Variants in NTM observed in about 807,000 individuals in gnomAD.
The protein encoded by NTM is neurotrimin.
A neutral mutation model predicts 42.1 loss-of-function variants in NTM; 13 were observed. The ratio of observed to expected loss-of-function variants is 0.31; its 90% CI spans 0.20 to 0.49. NTM has a LOEUF of 0.49. Among genes scored for constraint, NTM ranks in the 20% least tolerant of loss-of-function variants. The probability of loss-of-function intolerance (pLI) is 0.99; values close to 1 mark genes in which losing one functional copy is unlikely to be tolerated. For missense variants in NTM, 373 were observed against 452.8 expected, an observed-to-expected ratio of 0.82 and a Z score of 1.60; for synonymous variants, 187 against 179.2, an observed-to-expected ratio of 1.04 and a Z score of -0.35.
intron 2 of NTM, among the ~76,000 whole-genome samples, chr11:132,001,512 A>G (rs552359546): frequency 6.6e-6 from 1 of 152,284 alleles, no homozygotes; most frequent in South Asian, 2.1e-4. Context: ...GGGAGGCCTC[A>G]GGAAGCTTTC....
chr11:131,581,072 C>T (rs1447770085), intron 1 of NTM, among the ~76,000 whole-genome samples: 2 of 152,194 alleles, frequency 1.3e-5, no homozygotes, highest in Admixed American at 1.3e-4. Context: ...TTGCCACACT[C>T]ATCTTCAGAG....
At chr11:131,532,881 C>T (rs559749387) in intron 1 of NTM, among the ~76,000 whole-genome samples, 13 of 151,946 alleles carry the variant, frequency 8.6e-5, no homozygotes, top group South Asian at 8.3e-4. Flanking sequence ...TTTGGAGAAA[C>T]GTCTATTCAA....
chr11:131,729,538 G>A (rs373372433), intron 1 of NTM, among the ~76,000 whole-genome samples: 2 of 152,048 alleles, frequency 1.3e-5, no homozygotes, highest in African/African-American at 4.8e-5. Context: ...ATTCCAGAAC[G>A]ATTTTTATCA....
intron 1 of NTM, among the ~76,000 whole-genome samples, chr11:131,557,486 T>C (rs770299973): frequency 6.6e-6 from 1 of 152,208 alleles, no homozygotes; most frequent in Non-Finnish European, 1.5e-5. Context: ...ACTGCCAAGA[T>C]CTTTCAACAT....
intron 1 of NTM, among the ~76,000 whole-genome samples, chr11:131,743,682 C>T (rs568341146): frequency 1.3e-5 from 2 of 152,302 alleles, no homozygotes; most frequent in South Asian, 4.2e-4. Context: ...GGCTTTCCTT[C>T]CATAGCTCAA....
At chr11:131,625,091 A>C (rs1018295119) in intron 1 of NTM, among the ~76,000 whole-genome samples, 1 of 152,232 alleles carries the variant, frequency 6.6e-6, no homozygotes, top group African/African-American at 2.4e-5. Context: ...GATGTGCTAC[A>C]CTGCCTATTG....
At chr11:131,512,871 T>C (rs985524229) in intron 1 of NTM, among the ~76,000 whole-genome samples, 5 of 152,026 alleles carry the variant, frequency 3.3e-5, no homozygotes, top group Admixed American at 2.0e-4. Flanking sequence ...TCTCCCTGTC[T>C]TGACTCAAAG....
At chr11:132,103,047 T>C (rs78267217) in intron 2 of NTM, among the ~76,000 whole-genome samples, 10,961 of 152,264 alleles carry the variant, frequency 0.072, 521 homozygotes, top group South Asian at 0.15. Context: ...ATTGGCCCCA[T>C]AGAAAAGCAA....
intron 1 of NTM, among the ~76,000 whole-genome samples, chr11:131,469,138 C>T (rs775191785): frequency 2.0e-5 from 3 of 152,156 alleles, no homozygotes; most frequent in Admixed American, 6.5e-5. Context: ...TGGGTTTCCC[C>T]ACCCACAACC....
chr11:131,588,713 A>G (rs1273911308), intron 1 of NTM, among the ~76,000 whole-genome samples: 1 of 152,210 alleles, frequency 6.6e-6, no homozygotes, highest in African/African-American at 2.4e-5. Flanking sequence ...TCAACCTACT[A>G]TGGGGAATGG....
chr11:131,673,269 G>A (rs1200509635), intron 1 of NTM, among the ~76,000 whole-genome samples: 4 of 152,104 alleles, frequency 2.6e-5, no homozygotes, highest in East Asian at 3.9e-4. Context: ...GGCTGCCTGT[G>A]GGCTCCTGAG....
At chr11:131,596,699 G>A (rs1375404007) in intron 1 of NTM, among the ~76,000 whole-genome samples, 1 of 152,236 alleles carries the variant, frequency 6.6e-6, no homozygotes, top group Non-Finnish European at 1.5e-5. Context: ...TCCCTGTCTG[G>A]AGCCCTGTAC....
intron 2 of NTM, among the ~76,000 whole-genome samples, chr11:132,131,133 G>A (rs113351750): frequency 0.016 from 2,374 of 152,284 alleles, 26 homozygotes; most frequent in Non-Finnish European, 0.025. Context: ...AGCTTTTGTG[G>A]AGCACAAAAT....
intron 1 of NTM, among the ~76,000 whole-genome samples, chr11:131,703,619 A>G (rs1055130373): frequency 6.6e-6 from 1 of 152,200 alleles, no homozygotes; most frequent in African/African-American, 2.4e-5. Context: ...ATGCACACAC[A>G]AAAACACTTT....
intron 1 of NTM, among the ~76,000 whole-genome samples, chr11:131,678,666 C>T (rs1490877107): frequency 3.9e-5 from 6 of 152,212 alleles, no homozygotes; most frequent in African/African-American, 1.4e-4. Flanking sequence ...CTCTCTCTTC[C>T]TCTTCTCCCA....
intron 2 of NTM, among the ~76,000 whole-genome samples, chr11:132,121,632 T>G (rs11222945): frequency 0.018 from 2,734 of 152,298 alleles, 50 homozygotes; most frequent in South Asian, 0.1. Context: ...CTCAGAACCT[T>G]TAATTCTCAT....
At chr11:131,488,571 GT>G (rs1464359713) in intron 1 of NTM, among the ~76,000 whole-genome samples, 3 of 152,312 alleles carry the variant, frequency 2.0e-5, no homozygotes, top group African/African-American at 7.2e-5. Context: ...AAGGGATATA[GT>G]TTCCACTTCA....
chr11:131,522,881 C>T (rs1009340194), intron 1 of NTM, among the ~76,000 whole-genome samples: 2 of 152,222 alleles, frequency 1.3e-5, no homozygotes, highest in Non-Finnish European at 2.9e-5. Context: ...TGCCTGGGTT[C>T]TACTCTAGAC....
chr11:131,768,326 C>T (rs2085477139), intron 1 of NTM, among the ~76,000 whole-genome samples: 1 of 152,050 alleles, frequency 6.6e-6, no homozygotes, highest in South Asian at 2.1e-4. Flanking sequence ...CCATGTTGGT[C>T]AAGCTGGTCT....
Sources: gnomAD v4.1 joint callset for allele counts (sites outside exome capture counted in the v4.1 genomes callset) on GRCh38, gnomAD v4.1.1 for gene constraint, MANE v1.5 for transcripts, NCBI Gene and HGNC (gene_info 2026-07-23, HGNC 2026-07-21) for gene names.